ACER3: variants seen among roughly 807,000 people sequenced by gnomAD.
ACER3 encodes the protein alkaline ceramidase 3, also known as alkCDase 3.
A neutral mutation model predicts 48.9 loss-of-function variants in ACER3; 16 were observed. That is an observed-to-expected ratio of 0.33 (90% CI 0.22 to 0.50). The LOEUF (loss-of-function observed/expected upper bound fraction) is 0.50. ACER3 is among the 20% of genes least tolerant of loss of function. The pLI is 0.98. For synonymous variants in ACER3, 109 were observed against 107.8 expected (o/e 1.01, Z -0.07); for missense variants, 227 against 326.0 (o/e 0.70, Z 2.34).
intron 2 of ACER3, among the ~76,000 whole-genome samples, chr11:76,945,905 G>T (rs982480383): frequency 6.6e-6 from 1 of 152,152 alleles, no homozygotes; most frequent in South Asian, 2.1e-4. Flanking sequence ...AGGGTGATAG[G>T]TATTGTCCTA....
intron 1 of ACER3, chr11:76,868,391 C>G (rs10793202): frequency 0.29 from 50,331 of 173,278 alleles, 4,981 homozygotes; most frequent in East Asian, 0.49. Context: ...CTCTCTCTCT[C>G]TGTGTGTGTG....
chr11:76,861,158 G>A, intron 1 of ACER3, 79 bp downstream of exon 1: 2 of 1,378,124 alleles, frequency 1.5e-6, no homozygotes, highest in Non-Finnish European at 2.0e-6. Context: ...GGCAAAGAGC[G>A]AACCTGGCCG....
intron 1 of ACER3, among the ~76,000 whole-genome samples, chr11:76,906,097 T>A (rs1228677774): frequency 6.6e-6 from 1 of 152,236 alleles, no homozygotes; most frequent in Non-Finnish European, 1.5e-5. Flanking sequence ...TAGGTAAAGC[T>A]AACCATGGGA....
intron 2 of ACER3, among the ~76,000 whole-genome samples, chr11:76,927,074 C>G (rs1045384203): frequency 3.9e-5 from 6 of 152,130 alleles, no homozygotes; most frequent in African/African-American, 9.7e-5. Flanking sequence ...AAGAGCTAGC[C>G]TCAATCCTGA....
At chr11:76,959,789 G>A (rs1316966446) in intron 3 of ACER3, among the ~76,000 whole-genome samples, 2 of 151,802 alleles carry the variant, frequency 1.3e-5, no homozygotes, top group Non-Finnish European at 2.9e-5. Flanking sequence ...CCTGACCTCA[G>A]GTGATCCGCC....
chr11:76,861,445 C>A (rs1292304951), intron 1 of ACER3, among the ~76,000 whole-genome samples: 1 of 152,054 alleles, frequency 6.6e-6, no homozygotes, highest in Non-Finnish European at 1.5e-5. Context: ...GAGGACCCTG[C>A]CCCTTGGAAT....
intron 4 of ACER3, among the ~76,000 whole-genome samples, chr11:76,984,572 G>A (rs547007993): frequency 1.7e-4 from 26 of 152,276 alleles, no homozygotes; most frequent in African/African-American, 5.8e-4. Context: ...GATACTCACT[G>A]ATGGCCAATT....
At chr11:76,896,000 TTTG>T (rs1419744473) in intron 1 of ACER3, among the ~76,000 whole-genome samples, 1 of 152,186 alleles carries the variant, frequency 6.6e-6, no homozygotes, top group Non-Finnish European at 1.5e-5. Context: ...ATATTTCCAG[TTTG>T]TTGTTTTACT....
intron 1 of ACER3, among the ~76,000 whole-genome samples, chr11:76,871,151 ACTCT>A (rs1233925931): frequency 3.3e-5 from 5 of 152,072 alleles, no homozygotes; most frequent in Middle Eastern, 6.8e-3. Flanking sequence ...GTGCATTCTT[ACTCT>A]CTCTCTTCCT....
At chr11:76,928,637 A>G (rs1042438742) in intron 2 of ACER3, among the ~76,000 whole-genome samples, 2 of 152,188 alleles carry the variant, frequency 1.3e-5, no homozygotes, top group African/African-American at 4.8e-5. Flanking sequence ...TAATTTTTGT[A>G]TAAGGTGTAA....
At chr11:77,012,115 A>G (rs1190995918) in intron 7 of ACER3, among the ~76,000 whole-genome samples, 3 of 152,088 alleles carry the variant, frequency 2.0e-5, no homozygotes, top group Non-Finnish European at 4.4e-5. Flanking sequence ...ATCACAGGAC[A>G]TGTACAAAAA....
intron 1 of ACER3, among the ~76,000 whole-genome samples, chr11:76,925,261 A>G (rs1228224293): frequency 2.0e-5 from 3 of 152,172 alleles, no homozygotes; most frequent in East Asian, 3.9e-4. Context: ...ATTTTTGTGT[A>G]TCTATTTTAC....
intron 2 of ACER3, among the ~76,000 whole-genome samples, chr11:76,931,279 G>A (rs1265315327): frequency 1.5e-5 from 2 of 133,694 alleles, no homozygotes; most frequent in African/African-American, 5.9e-5. Flanking sequence ...CAGAGACTAG[G>A]ATTGCAACCC....
intron 1 of ACER3, among the ~76,000 whole-genome samples, chr11:76,865,535 A>G (rs555990829): frequency 6.7e-6 from 1 of 149,498 alleles, no homozygotes; most frequent in African/African-American, 2.5e-5. Context: ...TCCAGACGGA[A>G]TCTCGCTCTG....
chr11:77,000,477 C>T (rs1425682742), intron 7 of ACER3, among the ~76,000 whole-genome samples: 1 of 152,132 alleles, frequency 6.6e-6, no homozygotes, highest in Non-Finnish European at 1.5e-5. Flanking sequence ...AGTCTAAGAA[C>T]TCTATACCTA....
chr11:76,897,173 T>C (rs117556921), intron 1 of ACER3, among the ~76,000 whole-genome samples: 14,013 of 152,138 alleles, frequency 0.092, 873 homozygotes, highest in Non-Finnish European at 0.14. Flanking sequence ...GCTAGGCTGG[T>C]CTCAAACACC....
In ACER3 at chr11:76,964,081, C is replaced by T. The variant is rs564174473; in HGVS notation, c.267+5050C>T. Among the ~76,000 whole-genome samples the T allele has an allele frequency of 3.3e-5, 5 of 151,478 alleles. No homozygotes were observed. In the East Asian group the frequency reaches 7.7e-4, roughly 23 times the overall value. On this transcript the variant is annotated intron_variant, in intron 3 of 10. Transcript: ENST00000532485. ...TTTCCTAGTCAAAGAAAGGGGTGACCGATGGCACCTGGAAAATCAGGTCAC... is the reference window on the plus strand; with the variant it reads ...TTTCCTAGTCAAAGAAAGGGGTGACTGATGGCACCTGGAAAATCAGGTCAC...
chr11:76,959,156 A>G, intron 3 of ACER3, 125 bp downstream of exon 3: 4 of 1,547,958 alleles, frequency 2.6e-6, no homozygotes, highest in Non-Finnish European at 3.5e-6. Flanking sequence ...TTTTACTTCA[A>G]GTCTGAGGAT....
chr11:76,989,374 A>C (rs567788286), intron 5 of ACER3, among the ~76,000 whole-genome samples: 1 of 152,054 alleles, frequency 6.6e-6, no homozygotes, highest in Admixed American at 6.5e-5. Flanking sequence ...TCCAGTACTT[A>C]ATATCAAAGA....
Sources: gnomAD v4.1 joint callset for allele counts (sites outside exome capture counted in the v4.1 genomes callset) on GRCh38, gnomAD v4.1.1 for gene constraint, MANE v1.5 for transcripts, NCBI Gene and HGNC (gene_info 2026-07-23, HGNC 2026-07-21) for gene names.